Variants in ANKRD35 observed in about 807,000 individuals in gnomAD.
ANKRD35 encodes ankyrin repeat domain 35, also known as ankyrin repeat domain-containing protein 35.
In ANKRD35, 102 loss-of-function variants were observed where a neutral mutation model predicts 109.9. The ratio of observed to expected loss-of-function variants is 0.93; its 90% confidence interval spans 0.79 to 1.09. ANKRD35 has a LOEUF of 1.09. Among genes scored for constraint, ANKRD35 ranks in the 50% least tolerant of loss-of-function variants. ANKRD35 has a pLI of 0.00. For synonymous variants in ANKRD35, 515 were observed against 512.4 expected, an observed-to-expected ratio of 1.01 and a Z score of -0.07; for missense variants, 1,240 against 1,230.1, an observed-to-expected ratio of 1.01 and a Z score of -0.12.
chr1:145,881,616 G>T (rs1271049736), intron 1 of ANKRD35, among the ~76,000 whole-genome samples: 2 of 152,196 alleles, frequency 1.3e-5, no homozygotes, highest in Non-Finnish European at 2.9e-5. Flanking sequence ...CCACGACAGG[G>T]TGCTGCCATC....
At chr1:145,885,604 G>A (rs1479827483) in intron 1 of ANKRD35, 116 bp downstream of exon 1, 3 of 1,241,282 alleles carry the variant, frequency 2.4e-6, no homozygotes, top group Non-Finnish European at 3.5e-6. Context: ...AAGACTAGAA[G>A]AGCTAGAAAG....
intron 2 of ANKRD35, among the ~76,000 whole-genome samples, 193 bp from the exon 3 acceptor site, chr1:145,878,672 C>T (rs1178710146): frequency 6.6e-6 from 1 of 152,128 alleles, no homozygotes; most frequent in South Asian, 2.1e-4. Flanking sequence ...ATGCTAAAAG[C>T]AAGGAAGAAA....
chr1:145,872,454 T>A lies in ANKRD35; in HGVS notation c.2315A>T (p.Lys772Met), dbSNP rs367773707. 2.5e-6 allele frequency: 4 copies of A among 1,606,406 alleles called. No individual in the cohort carries two copies. The highest frequency in any genetic ancestry group is 2.5e-6 in the Non-Finnish European group (3 of 1,177,084). ...SPCREPGTSL[K>M]APASPQVAAL... Reference sequence around the variant, plus strand: ...GGCCACTTGGGGGGATGCTGGGGCCTTTAAGGAGGTGCCTGGCTCCCTACA... The same window carrying A: ...GGCCACTTGGGGGGATGCTGGGGCCATTAAGGAGGTGCCTGGCTCCCTACA... Residue 772 changes from lysine (K) to methionine (M), a missense_variant, in exon 10 of 14, where the codon AAG becomes ATG. Transcript: ENST00000355594.
At chr1:145,883,057 A>G (rs1351634571) in intron 1 of ANKRD35, among the ~76,000 whole-genome samples, 3 of 150,816 alleles carry the variant, frequency 2.0e-5, no homozygotes, top group African/African-American at 7.3e-5. Context: ...CAACGTTGTA[A>G]TTGCAGTAGA....
At position 145,874,136 on chromosome 1, in the gene ANKRD35, G is replaced by T. The variant is rs782111904; in HGVS notation, c.783+19C>A. On this transcript the variant is annotated intron_variant, in intron 9 of 13. Transcript: ENST00000355594. ...TGGGGTGTGTCAAAAGCAAAAGGGG[G>T]AGGCACTTAGGGTCTTACCTGGGAT... 6 of 1,614,104 alleles carry T rather than the reference G, an allele frequency of 3.7e-6. No homozygotes were observed. In the South Asian group the frequency reaches 6.6e-5, roughly 18 times the overall value.
chr1:145,871,008 C>T (rs779453712), intron 10 of ANKRD35, among the ~76,000 whole-genome samples: 3 of 151,886 alleles, frequency 2.0e-5, no homozygotes, highest in Non-Finnish European at 4.4e-5. Context: ...GTACTAAATC[C>T]ATGTGTAAAT....
chr1:145,871,153 C>CTTTTTTTTTTTTTTTTTTTTTTTTTT (rs59433424), intron 10 of ANKRD35, among the ~76,000 whole-genome samples: 21 of 78,100 alleles, frequency 2.7e-4, no homozygotes, highest in African/African-American at 3.7e-4. Context: ...TTTCTTTTTT[C>CTTTTTTTTTTTTTTTTTTTTTTTTTT]TTTTTTTTTT....
intron 1 of ANKRD35, among the ~76,000 whole-genome samples, chr1:145,885,341 G>A (rs1342744239): frequency 6.6e-6 from 1 of 152,056 alleles, no homozygotes; most frequent in Non-Finnish European, 1.5e-5. Flanking sequence ...GTGTAGAATG[G>A]AGCTTGAGGC....
At chr1:145,881,599 C>T (rs1553741101) in intron 1 of ANKRD35, among the ~76,000 whole-genome samples, 2 of 152,222 alleles carry the variant, frequency 1.3e-5, no homozygotes, top group Non-Finnish European at 1.5e-5. Context: ...AGAGCTAGAA[C>T]TATGCCCCAC....
intron 1 of ANKRD35, among the ~76,000 whole-genome samples, chr1:145,881,284 TCAAA>T (rs782207333): frequency 8.3e-4 from 127 of 152,172 alleles, no homozygotes; most frequent in African/African-American, 2.9e-3. Context: ...AGACTCCATC[TCAAA>T]CAAACAAACA....
chr1:145,878,474 T>A lies in ANKRD35; in HGVS notation c.176A>T (p.His59Leu). ...TGTCAGGCCTTTGGAGGCTGCCAGATGAAACCTGCCAGAATCAAGGCCGAG... is the reference window on the plus strand; with the variant it reads ...TGTCAGGCCTTTGGAGGCTGCCAGAAGAAACCTGCCAGAATCAAGGCCGAG... Reference protein sequence around the residue: ...KLDSNGQSPFHLAASKGLTEC... With the variant: ...KLDSNGQSPFLLAASKGLTEC... The change falls in exon 3 of 14, where the codon CAT (histidine) becomes CTT (leucine). Residue 59 changes from histidine (H) to leucine (L), a missense_variant. His to Leu is a moderately conservative substitution (Grantham distance 99, BLOSUM62 -3). Coordinates refer to ENST00000355594, the MANE Select transcript of ANKRD35 (RefSeq NM_144698.5). 1 of 1,566,360 alleles carries A rather than the reference T, an allele frequency of 6.4e-7. No homozygotes were observed. The highest frequency in any genetic ancestry group is 1.2e-5 in the South Asian group (1 of 85,112).
Position 145,879,334 on chromosome 1 carries a change from C to A in ANKRD35, c.94G>T (p.Asp32Tyr), listed in dbSNP as rs201101382. The change falls in exon 2 of 14, where the codon GAT (aspartate) becomes TAT (tyrosine). Residue 32 changes from aspartate to tyrosine, a missense_variant. Transcript: ENST00000355594. ...GCCAGGGCAGCCACGCGTCCCACATCCCCCCTGTGCACTGCCTCCAGCAGC... is the reference window on the plus strand; with the variant it reads ...GCCAGGGCAGCCACGCGTCCCACATACCCCCTGTGCACTGCCTCCAGCAGC... ...QKLLEAVHRGDVGRVAALASR... is the reference protein window; with the variant it reads ...QKLLEAVHRGYVGRVAALASR... The A allele has an allele frequency of 2.5e-6, 4 of 1,608,292 alleles. No homozygotes were observed. In the South Asian group the frequency reaches 3.3e-5, roughly 13 times the overall value.
intron 5 of ANKRD35, 44 bp downstream of exon 5, chr1:145,876,772 C>T (rs1654093064): frequency 2.5e-6 from 4 of 1,613,624 alleles, no homozygotes; most frequent in Middle Eastern, 1.7e-4. Flanking sequence ...CTTTCCCACC[C>T]TGTAGTCTCT....
rs1553738904 is a variant in ANKRD35 at position 145,872,394 on chromosome 1, T to C, written c.2375A>G (p.Glu792Gly). ...CATCGTGGCCTGAACTGCCCGCAGC[T>C]CTTCCTCCAGCTTCCCCAGGTCTTG... ...LEQDLGKLEE[E>G]LRAVQATMSG... Residue 792 changes from glutamate to glycine, a missense_variant, in exon 10 of 14, where the codon GAG becomes GGG. Glu to Gly is a moderately conservative substitution (Grantham distance 98). Transcript: ENST00000355594. 6.2e-7 allele frequency: 1 copy of C among 1,613,272 alleles called. No individual in the cohort carries two copies. The highest frequency in any genetic ancestry group is 8.5e-7 in the Non-Finnish European group (1 of 1,179,746).
At position 145,874,166 on chromosome 1, in the gene ANKRD35, G is replaced by T; in HGVS notation, c.772C>A (p.Leu258Ile). ...ACTTAGGGTCTTACCTGGGATGCGA[G>T]ATCTGGGTGCTGGACTAGCCTCTGA... is the stretch of plus-strand genomic sequence containing the variant. ...GGQRLVQHPD[L>I]ASQASPSEPQ... is the part of the protein sequence containing the mutation. Residue 258 changes from leucine to isoleucine, a missense_variant, in exon 9 of 14, where the codon CTC (leucine) becomes ATC (isoleucine). Physicochemically the swap from Leu to Ile is conservative, Grantham distance 5 (BLOSUM62 2). Coordinates refer to ENST00000355594, the MANE Select transcript of ANKRD35 (RefSeq NM_144698.5). 6.2e-7 allele frequency: 1 copy of T among 1,614,170 alleles called. No homozygotes were observed. The highest frequency in any genetic ancestry group is 1.1e-5 in the South Asian group (1 of 91,084).
Position 145,878,398 on chromosome 1 carries a change from A to C in ANKRD35, c.252T>G (p.Asn84Lys). Residue 84 changes from asparagine to lysine, a missense_variant, in exon 3 of 14, where the codon AAT becomes AAG. Asn to Lys is a moderately conservative substitution (Grantham distance 94). Transcript: ENST00000355594. Reference sequence around the variant, plus strand: ...GTGCTCCGGCTCACTCACCATCCTCATTCTTGCTGTTGATGTCAGCCCCAT... The same window carrying C: ...GTGCTCCGGCTCACTCACCATCCTCCTTCTTGCTGTTGATGTCAGCCCCAT... The part of the protein sequence containing the change: ...LANGADINSK[N>K]EDGSTALHLA... 1 of 1,566,640 alleles carries C rather than the reference A, an allele frequency of 6.4e-7. No homozygotes were observed. The highest frequency in any genetic ancestry group is 8.7e-7 in the Non-Finnish European group (1 of 1,154,708).
In ANKRD35 at chr1:145,872,081, G is replaced by T. The variant is rs149450069; in HGVS notation, c.2688C>A (p.Ser896Arg). The change falls in exon 10 of 14, where the codon AGC (serine) becomes AGA (arginine). Residue 896 changes from serine to arginine, a missense_variant. Transcript: ENST00000355594. ...AQAAEQERQA[S>R]EMRGRSEQFE... The stretch of plus-strand genomic sequence containing the variant: ...ACTGCTCGGAGCGCCCCCGCATCTC[G>T]CTGGCCTGGCGCTCTTGTTCGGCTG... The T allele has an allele frequency of 5.0e-6, 8 of 1,613,406 alleles. No homozygotes were observed. The highest frequency in any genetic ancestry group is 6.8e-6 in the Non-Finnish European group (8 of 1,179,806).
chr1:145,873,364 G>A lies in ANKRD35; in HGVS notation c.1405C>T (p.Gln469Ter), dbSNP rs2101707336. The A allele has an allele frequency of 6.2e-7, 1 of 1,614,172 alleles. No homozygotes were observed. The change falls in exon 10 of 14, where the codon CAG (glutamine) becomes TAG (stop). Residue 469 changes from glutamine (Q) to a stop codon, truncating the protein, a stop_gained. Transcript: ENST00000355594. LOFTEE classifies it high-confidence loss of function. ...CCTCCTGGTTCAACTCCTAGAACCT[G>A]GGAACTCTCCTTCTGACCAGCAGGC... The part of the protein sequence containing the change: ...QLPAGQKESS[Q>*]VLGVEPGGTV...
At chr1:145,880,635 G>A (rs1283313779) in intron 1 of ANKRD35, among the ~76,000 whole-genome samples, 1 of 152,134 alleles carries the variant, frequency 6.6e-6, no homozygotes, top group Non-Finnish European at 1.5e-5. Flanking sequence ...CATTTTATAA[G>A]GTATAATCTC....
Sources: gnomAD v4.1 joint callset for allele counts (sites outside exome capture counted in the v4.1 genomes callset) on GRCh38, gnomAD v4.1.1 for gene constraint, MANE v1.5 for transcripts, NCBI Gene and HGNC (gene_info 2026-07-23, HGNC 2026-07-21) for gene names.